Variants in UACA observed in about 807,000 individuals in gnomAD.
UACA encodes the protein uveal autoantigen with coiled-coil domains and ankyrin repeats.
A neutral mutation model predicts 160.5 loss-of-function variants in UACA; 112 were observed. The ratio of observed to expected loss-of-function variants is 0.70; its 90% CI spans 0.60 to 0.82. UACA has a LOEUF of 0.82. Ranked by LOEUF, UACA falls within the 40% of genes least tolerant of loss-of-function variation. The pLI is 0.00. For missense variants in UACA, 1,574 were observed against 1,614.6 expected, an observed-to-expected ratio of 0.97 and a Z score of 0.43; for synonymous variants, 557 against 568.4, an observed-to-expected ratio of 0.98 and a Z score of 0.29.
At chr15:70,772,953 G>T in the UACA span, among the ~76,000 whole-genome samples, 4 of 151,906 alleles carry the variant, frequency 2.6e-5, no homozygotes, top group East Asian at 3.9e-4. Flanking sequence ...GCTGAGTGTG[G>T]TTGTTGGCAC....
intron 1 of UACA, chr15:70,748,959 TAAAAC>T (rs1770582689): frequency 6.5e-6 from 1 of 153,358 alleles, no homozygotes; most frequent in Non-Finnish European, 1.5e-5. Flanking sequence ...AGTTTCCTCT[TAAAAC>T]TAACTTTAAA....
intron 7 of UACA, 130 bp from the exon 8 acceptor site, chr15:70,684,576 T>G: frequency 1.2e-6 from 1 of 863,756 alleles, no homozygotes; most frequent in Non-Finnish European, 1.7e-6. Context: ...CAACACACAC[T>G]GCCTCAAAGC....
intron 1 of UACA, among the ~76,000 whole-genome samples, chr15:70,717,359 T>C (rs1232179351): frequency 3.3e-5 from 5 of 152,234 alleles, no homozygotes; most frequent in Admixed American, 6.5e-5. Flanking sequence ...GTGTAACCTT[T>C]AGAGTTTGGC....
intron 1 of UACA, among the ~76,000 whole-genome samples, chr15:70,720,075 G>A (rs903200772): frequency 3.9e-5 from 6 of 152,194 alleles, no homozygotes; most frequent in Non-Finnish European, 7.4e-5. Context: ...CTTTGGTGCT[G>A]TTCTCATGAG....
chr15:70,761,033 G>T (rs1344910303), intron 1 of UACA, among the ~76,000 whole-genome samples: 1 of 152,000 alleles, frequency 6.6e-6, no homozygotes, highest in African/African-American at 2.4e-5. Context: ...AATCCTACAG[G>T]TACAGACACA....
chr15:70,751,867 T>G lies in UACA; in HGVS notation c.78+11463A>C, dbSNP rs552867796. Among the ~76,000 whole-genome samples the G allele has an allele frequency of 5.9e-5, 9 of 152,318 alleles. No individual in the cohort carries two copies. The South Asian group carries it at 1.9e-3, about 32-fold the overall frequency. On this transcript the variant is annotated intron_variant, in intron 1 of 18. Coordinates refer to ENST00000322954, the MANE Select transcript of UACA (RefSeq NM_018003.4). ...TGCTATTTATATTTCATAAAGTGCT[T>G]TTTTAAAATATAAAATGTTAATTTT...
At chr15:70,663,796 A>G (rs939477115) in intron 17 of UACA, among the ~76,000 whole-genome samples, 4 of 145,910 alleles carry the variant, frequency 2.7e-5, no homozygotes, top group East Asian at 4.1e-4. Context: ...GCATGTTCTC[A>G]CTCATAGGTG....
intron 5 of UACA, among the ~76,000 whole-genome samples, chr15:70,688,444 T>C (rs1241147549): frequency 6.6e-6 from 1 of 152,178 alleles, no homozygotes; most frequent in Non-Finnish European, 1.5e-5. Flanking sequence ...TGAGTTGACA[T>C]ACATTATAAG....
chr15:70,697,769 G>C (rs1021080478), intron 2 of UACA, among the ~76,000 whole-genome samples: 1 of 152,184 alleles, frequency 6.6e-6, no homozygotes, highest in African/African-American at 2.4e-5. Flanking sequence ...TTCTACTCTT[G>C]GCCGGGCACA....
chr15:70,756,226 G>A (rs2030419580), intron 1 of UACA, among the ~76,000 whole-genome samples: 1 of 151,668 alleles, frequency 6.6e-6, no homozygotes, highest in Non-Finnish European at 1.5e-5. Flanking sequence ...GAGTGCAATG[G>A]CATGATCTCA....
Position 70,684,324 on chromosome 15 carries a change from A to ATTC in UACA, c.722_724dup (p.Arg241dup). ...GGTTAGAATGTCCAGATTGTCACCA[A>ATTC]TTCTTGCATAGTAAGAACTATCATG... On this transcript the variant is annotated inframe_insertion, in exon 8 of 19. Coordinates refer to ENST00000322954, the MANE Select transcript of UACA (RefSeq NM_018003.4). 6.2e-7 allele frequency: 1 copy of ATTC among 1,613,750 alleles called. No homozygotes were observed. Among genetic ancestry groups the ATTC allele is most frequent in the Non-Finnish European group, 8.5e-7 (1 of 1,179,788 alleles).
chr15:70,659,391 GTTTGTT>G (rs1169791062), intron 18 of UACA, among the ~76,000 whole-genome samples: 392 of 9,920 alleles, frequency 0.04, 16 homozygotes, highest in African/African-American at 0.061. Context: ...TTCATTTTTT[GTTTGTT>G]TTTTTTTTTT....
At chr15:70,753,675 G>A (rs1840977249) in intron 1 of UACA, among the ~76,000 whole-genome samples, 1 of 152,200 alleles carries the variant, frequency 6.6e-6, no homozygotes, top group Non-Finnish European at 1.5e-5. Context: ...GGAAATACAT[G>A]CTCAATAAAT....
chr15:70,660,381 G>GTT (rs1396973028), intron 17 of UACA, 165 bp from the exon 18 acceptor site: 4 of 543,306 alleles, frequency 7.4e-6, no homozygotes, highest in Non-Finnish European at 1.3e-5. Flanking sequence ...ATTTCAAAAC[G>GTT]TAACAATATA....
intron 3 of UACA, among the ~76,000 whole-genome samples, chr15:70,693,492 T>C (rs1351836377): frequency 6.6e-6 from 1 of 152,118 alleles, no homozygotes; most frequent in East Asian, 1.9e-4. Flanking sequence ...ACAGACATTA[T>C]AGCAATTGAG....
At chr15:70,777,289 T>C in the UACA span, among the ~76,000 whole-genome samples, 12 of 152,288 alleles carry the variant, frequency 7.9e-5, no homozygotes, top group African/African-American at 1.7e-4. Flanking sequence ...ATGTTTATTA[T>C]GAGATGTCTA....
intron 1 of UACA, among the ~76,000 whole-genome samples, chr15:70,751,511 C>A (rs1187465564): frequency 1.3e-5 from 2 of 152,258 alleles, no homozygotes; most frequent in African/African-American, 4.8e-5. Context: ...AATATGCAAG[C>A]CCTTAATATG....
intron 1 of UACA, among the ~76,000 whole-genome samples, chr15:70,749,992 GA>G (rs1317508565): frequency 1.3e-5 from 2 of 152,132 alleles, no homozygotes; most frequent in Non-Finnish European, 2.9e-5. Context: ...TCAAACCCAG[GA>G]CATTTGGAAA....
At chr15:70,762,992 G>A (rs1350451058) in intron 1 of UACA, among the ~76,000 whole-genome samples, 1 of 152,198 alleles carries the variant, frequency 6.6e-6, no homozygotes, top group Non-Finnish European at 1.5e-5. Flanking sequence ...GCGACGAGGG[G>A]GGGTCAACGG....
Sources: allele counts gnomAD v4.1 joint callset (sites outside exome capture counted in the v4.1 genomes callset), GRCh38; gene constraint gnomAD v4.1.1; transcripts MANE v1.5; gene names NCBI Gene and HGNC (gene_info 2026-07-23, HGNC 2026-07-21).